OXTR: variants seen among roughly 807,000 people sequenced by gnomAD.
The protein encoded by OXTR is oxytocin receptor.
OXTR carries 19 observed loss-of-function variants against 23.9 expected under a neutral mutation model. The observed-to-expected ratio is 0.80, with a 90% CI of 0.56 to 1.17. The LOEUF (loss-of-function observed/expected upper bound fraction) is 1.17. Among genes scored for constraint, OXTR ranks in the 50% most tolerant of loss-of-function variants. OXTR has a pLI of 0.00. For missense variants in OXTR, 500 were observed against 550.7 expected (o/e 0.91, Z 0.92); for synonymous variants, 278 against 250.5 (o/e 1.11, Z -1.04).
rs768357643 is a variant in OXTR, at chr3:8,768,076, G to C, written c.112C>G (p.Leu38Val). 2.7e-6 allele frequency: 4 copies of C among 1,506,424 alleles called. No homozygotes were observed. In the Admixed American group the frequency reaches 6.4e-5, roughly 24 times the overall value. 93.3% of individuals were successfully genotyped at this position (1,506,424 alleles called of 1,614,324 possible). A position where few individuals can be genotyped will look rare whatever the true frequency, so the allele number is the denominator to read the frequency against. The change falls in exon 3 of 4, where the codon CTG becomes GTG. Residue 38 changes from leucine to valine, a missense_variant. Coordinates refer to ENST00000316793, the MANE Select transcript of OXTR (RefSeq NM_000916.4). The surrounding 1 kb of genome is among the most constrained non-coding windows in gnomAD (Gnocchi z 5.4). ...AGCACCGCCACCTCCACGCGCGCCA[G>C]GGCCTCGTTGCGCCGCGGGGGTCCG... ...TAGPPRRNEA[L>V]ARVEVAVLCL...
At chr3:8,749,738 G>T (rs1035631773), downstream of OXTR, among the ~76,000 whole-genome samples, 2 of 152,212 alleles carry the variant, frequency 1.3e-5, no homozygotes, top group Admixed American at 1.3e-4. Context: ...AAGACCTTGT[G>T]CTAAATCCTT....
the OXTR span, chr3:8,744,855 G>A: frequency 1.3e-5 from 2 of 152,740 alleles, no homozygotes; most frequent in East Asian, 3.8e-4. Context: ...CTCACCTTGA[G>A]GGGGTTGAAC....
At chr3:8,741,870 A>G in the OXTR span, among the ~76,000 whole-genome samples, 3 of 152,072 alleles carry the variant, frequency 2.0e-5, no homozygotes, top group Non-Finnish European at 4.4e-5. Context: ...GCTGGTTTCA[A>G]TTAATCAACT....
chr3:8,761,354 G>C (rs1708481842), intron 3 of OXTR, among the ~76,000 whole-genome samples: 1 of 152,136 alleles, frequency 6.6e-6, no homozygotes, highest in Admixed American at 6.5e-5. Context: ...GGTGTTGCAG[G>C]AAGAGCCCAA....
At chr3:8,757,440 A>G (rs1403818144) in intron 3 of OXTR, among the ~76,000 whole-genome samples, 1 of 151,762 alleles carries the variant, frequency 6.6e-6, no homozygotes, top group Non-Finnish European at 1.5e-5. Context: ...GTTAAAAAAA[A>G]AAACAAAAAA....
At chr3:8,746,189 C>T (rs1315201892), downstream of OXTR, 4 of 261,260 alleles carry the variant, frequency 1.5e-5, no homozygotes, top group African/African-American at 6.5e-5. Context: ...GGTTCCCACC[C>T]GGGGCCAACC....
At chr3:8,757,772 G>A (rs1172939004) in intron 3 of OXTR, among the ~76,000 whole-genome samples, 4 of 152,142 alleles carry the variant, frequency 2.6e-5, no homozygotes, top group South Asian at 2.1e-4. Flanking sequence ...CGGACTCCGC[G>A]GGGGCCGCTG....
intron 3 of OXTR, among the ~76,000 whole-genome samples, chr3:8,755,645 G>A (rs951016809): frequency 6.6e-6 from 1 of 152,196 alleles, no homozygotes; most frequent in East Asian, 1.9e-4. Flanking sequence ...CCACAGACAC[G>A]AGTGACCTCA....
rs769455135 is a variant in OXTR, at chr3:8,752,928, G to GC, written c.*48dup. The GC allele has an allele frequency of 6.4e-7, 1 of 1,567,808 alleles. No individual in the cohort carries two copies. The highest frequency in any genetic ancestry group is 1.4e-5 in the African/African-American group (1 of 73,938). ...CATCACCTAGGAGCAGAGCACTTAT[G>GC]CCAGCACAGCCTGAGCCTCAGGCTG... On this transcript the variant is annotated 3_prime_UTR_variant, in exon 4 of 4. Coordinates refer to ENST00000316793, the MANE Select transcript of OXTR (RefSeq NM_000916.4).
rs1015123659 is a variant in OXTR at position 8,768,096 on chromosome 3, G to A, written c.92C>T (p.Pro31Leu). ...PGAEGNRTAG[P>L]PRRNEALARV... ...CGCCAGGGCCTCGTTGCGCCGCGGG[G>A]GTCCGGCGGTGCGGTTGCCCTCGGC... The change falls in exon 3 of 4, where the codon CCC (proline) becomes CTC (leucine). Residue 31 changes from proline to leucine, a missense_variant. Physicochemically the swap from Pro to Leu is moderately conservative, Grantham distance 98 (BLOSUM62 -3). Transcript: ENST00000316793. The surrounding 1 kb of genome is among the most constrained non-coding windows in gnomAD (Gnocchi z 5.4). 18 of 1,441,708 alleles carry A rather than the reference G, an allele frequency of 1.2e-5. No homozygotes were observed. Among genetic ancestry groups the A allele is most frequent in the Non-Finnish European group, 1.5e-5 (16 of 1,098,724 alleles). The allele number at this position is 1,441,708 out of a possible 1,614,324, so 89.3% of individuals were successfully genotyped here. A position where few individuals can be genotyped will look rare whatever the true frequency, so the allele number is the denominator to read the frequency against.
downstream of OXTR, chr3:8,745,448 C>T: frequency 6.3e-6 from 7 of 1,107,288 alleles, no homozygotes; most frequent in Non-Finnish European, 9.6e-6. This position sits in a 1 kb window ranked among gnomAD's most constrained non-coding sequence, Gnocchi z 4.8. Context: ...GGGATTCTGA[C>T]ACATGCACGC....
In OXTR at chr3:8,768,249, C is replaced by T. The variant is rs1708683914; in HGVS notation, c.-62G>A. ...CCTTTACGGCTTGGCGCGGCTGGGC[C>T]GGATCCGGCGTGTCGGAGGGTGTAG... On this transcript the variant is annotated 5_prime_UTR_variant, in exon 3 of 4. Coordinates refer to ENST00000316793, the MANE Select transcript of OXTR (RefSeq NM_000916.4). This position sits in a 1 kb window ranked among gnomAD's most constrained non-coding sequence, Gnocchi z 5.4. 1.6e-6 allele frequency: 2 copies of T among 1,258,672 alleles called. No individual in the cohort carries two copies. Among genetic ancestry groups the T allele is most frequent in the South Asian group, 3.2e-5 (1 of 31,010 alleles). 78.0% of individuals were successfully genotyped at this position (1,258,672 alleles called of 1,614,324 possible). A position where few individuals can be genotyped will look rare whatever the true frequency, so the allele number is the denominator to read the frequency against.
the OXTR span, chr3:8,742,372 A>AAAAAG: frequency 3.0e-4 from 103 of 345,870 alleles, no homozygotes; most frequent in African/African-American, 1.8e-3. Flanking sequence ...AAAAAAAAAA[A>AAAAAG]AAGAAGAAGA....
At position 8,767,484 on chromosome 3, in the gene OXTR, G is replaced by T; in HGVS notation, c.704C>A (p.Thr235Asn). Residue 235 changes from threonine (T) to asparagine (N), a missense_variant, in exon 3 of 4, where the codon ACC (threonine) becomes AAC (asparagine). Thr to Asn is a moderately conservative substitution (Grantham distance 65). Coordinates refer to ENST00000316793, the MANE Select transcript of OXTR (RefSeq NM_000916.4). ...FKIWQNLRLK[T>N]AAAAAAEAPE... ...CGCCTCGGCCGCCGCCGCTGCAGCG[G>T]TCTTGAGCCGCAAGTTCTGCCAGAT... 1.2e-6 allele frequency: 2 copies of T among 1,608,750 alleles called. No homozygotes were observed. The highest frequency in any genetic ancestry group is 8.5e-7 in the Non-Finnish European group (1 of 1,177,716).
the OXTR span, chr3:8,742,630 A>G: frequency 2.8e-5 from 12 of 430,118 alleles, no homozygotes; most frequent in Non-Finnish European, 5.6e-5. Context: ...ATCACTGAGC[A>G]ATATTACCAT....
At chr3:8,762,992 T>C (rs1708522453) in intron 3 of OXTR, among the ~76,000 whole-genome samples, 1 of 152,200 alleles carries the variant, frequency 6.6e-6, no homozygotes, top group Admixed American at 6.5e-5. Context: ...TATCAATGAC[T>C]GTGCAGCCTT....
chr3:8,764,176 G>A (rs1005553483), intron 3 of OXTR, among the ~76,000 whole-genome samples: 8 of 115,320 alleles, frequency 6.9e-5, no homozygotes, highest in Middle Eastern at 7.5e-3. Context: ...CACCAGAAGC[G>A]TGACATTCCC....
chr3:8,767,808 G>A lies in OXTR; in HGVS notation c.380C>T (p.Thr127Ile). 1.2e-6 allele frequency: 2 copies of A among 1,610,620 alleles called. No individual in the cohort carries two copies. The highest frequency in any genetic ancestry group is 1.7e-6 in the Non-Finnish European group (2 of 1,178,580). ...CAGGGACATGAGCAGCAGCAGGTAG[G>A]TGGAGGCGAACATGCCCACCACCTG... is the stretch of plus-strand genomic sequence containing the variant. ...YLQVVGMFASTYLLLLMSLDR... is the reference protein window; with the variant it reads ...YLQVVGMFASIYLLLLMSLDR... Residue 127 changes from threonine to isoleucine, a missense_variant, in exon 3 of 4, where the codon ACC becomes ATC. Thr to Ile is a moderately conservative substitution (Grantham distance 89). Transcript: ENST00000316793.
downstream of OXTR, chr3:8,746,143 C>A: frequency 2.3e-6 from 1 of 436,168 alleles, no homozygotes; most frequent in Admixed American, 3.6e-5. Flanking sequence ...CAAGTCTTTG[C>A]GTTCACTTGT....
Sources: gnomAD v4.1 joint callset for allele counts (sites outside exome capture counted in the v4.1 genomes callset) on GRCh38, gnomAD v4.1.1 for gene constraint, Gnocchi (gnomAD v3.1) non-coding constraint, MANE v1.5 for transcripts, NCBI Gene and HGNC (gene_info 2026-07-23, HGNC 2026-07-21) for gene names.